The following GREB1L variants were observed in gnomAD, a reference collection of about 807,000 sequenced individuals.
The protein encoded by GREB1L is GREB1 like retinoic acid receptor coactivator.
Under a neutral mutation model 200.8 loss-of-function variants are expected in GREB1L, and 17 were observed. That is an observed-to-expected ratio of 0.08 (90% CI 0.06 to 0.13). The LOEUF is 0.13. GREB1L is among the 10% of genes least tolerant of loss of function. The probability of loss-of-function intolerance (pLI) is 1.00; values close to 1 mark genes in which losing one functional copy is unlikely to be tolerated. For missense variants in GREB1L, 1,657 were observed against 2,367.7 expected (o/e 0.70, Z 6.23); for synonymous variants, 789 against 893.0 (o/e 0.88, Z 2.08).
chr18:21,508,601 C>A lies in GREB1L; in HGVS notation c.4735+10C>A. On this transcript the variant is annotated intron_variant, in intron 27 of 32. Coordinates refer to ENST00000424526, the MANE Select transcript of GREB1L (RefSeq NM_001142966.3). Reference sequence around the variant, plus strand: ...AATAATGCAGGCGTGGGTAAGGGGCCCCCCTGGGATGGGGAGAAGGGCTTC... The same window carrying A: ...AATAATGCAGGCGTGGGTAAGGGGCACCCCTGGGATGGGGAGAAGGGCTTC... 6.4e-7 allele frequency: 1 copy of A among 1,551,104 alleles called. No individual in the cohort carries two copies. Among genetic ancestry groups the A allele is most frequent in the Non-Finnish European group, 8.7e-7 (1 of 1,146,802 alleles).
intron 1 of GREB1L, among the ~76,000 whole-genome samples, chr18:21,307,201 G>T (rs1209892098): frequency 1.3e-5 from 2 of 152,214 alleles, no homozygotes; most frequent in East Asian, 3.9e-4. Context: ...CCAATGGCAA[G>T]TACCCAAATC....
At chr18:21,298,941 G>C (rs181373635) in intron 1 of GREB1L, among the ~76,000 whole-genome samples, 3 of 151,992 alleles carry the variant, frequency 2.0e-5, no homozygotes, top group Admixed American at 6.6e-5. Context: ...TCTCTGGGGA[G>C]GGGGTTGAGG....
intron 2 of GREB1L, among the ~76,000 whole-genome samples, chr18:21,371,106 A>T (rs961335830): frequency 6.6e-6 from 1 of 152,140 alleles, no homozygotes; most frequent in Admixed American, 6.5e-5. Context: ...ATTAATTACA[A>T]TTAAATAAAA....
chr18:21,371,420 A>T (rs1256693990), intron 2 of GREB1L, among the ~76,000 whole-genome samples: 1 of 152,046 alleles, frequency 6.6e-6, no homozygotes, highest in East Asian at 1.9e-4. Flanking sequence ...AAAGGAAAGA[A>T]TGCATCTTAC....
chr18:21,412,039 G>A (rs1240044977), intron 7 of GREB1L, among the ~76,000 whole-genome samples: 2 of 123,858 alleles, frequency 1.6e-5, no homozygotes, highest in African/African-American at 6.5e-5. Flanking sequence ...GCGACAGAGC[G>A]AGACTCCGTC....
chr18:21,309,339 T>TA (rs1288116358), intron 1 of GREB1L, among the ~76,000 whole-genome samples: 3 of 152,180 alleles, frequency 2.0e-5, no homozygotes, highest in African/African-American at 4.8e-5. Context: ...TCAGGCATGT[T>TA]AAAAAAGATC....
chr18:21,517,562 G>A (rs1324009519), intron 30 of GREB1L, among the ~76,000 whole-genome samples: 1 of 152,166 alleles, frequency 6.6e-6, no homozygotes, highest in Admixed American at 6.5e-5. Context: ...TCCTTTGCTA[G>A]AAGTTTCTTA....
intron 4 of GREB1L, among the ~76,000 whole-genome samples, chr18:21,392,644 T>A (rs2144296306): frequency 6.6e-6 from 1 of 152,262 alleles, no homozygotes; most frequent in South Asian, 2.1e-4. Flanking sequence ...ATAATTTTAT[T>A]CTTTCTTCTG....
At chr18:21,456,937 A>T (rs2034792646) in intron 15 of GREB1L, among the ~76,000 whole-genome samples, 1 of 152,078 alleles carries the variant, frequency 6.6e-6, no homozygotes, top group Non-Finnish European at 1.5e-5. Flanking sequence ...CTTGTCTTTT[A>T]AGTATTTTAC....
At chr18:21,327,441 C>CA (rs143590746) in intron 1 of GREB1L, among the ~76,000 whole-genome samples, 98 of 152,184 alleles carry the variant, frequency 6.4e-4, no homozygotes, top group African/African-American at 2.3e-3. Flanking sequence ...CTCTCCTTGC[C>CA]AGTCCCTCCT....
In GREB1L at chr18:21,401,307, A is replaced by C. The variant is rs1407163660; in HGVS notation, c.690A>C (p.Gly230=). The part of the protein sequence containing the change: ...VRSSQGVLSK[G]PLICWKECRS... ...GCTCCCAGGGTGTACTGTCTAAAGG[A>C]CCTCTTATCTGCTGGAAAGGTAGTC... Residue 230 remains glycine (G), a synonymous_variant, in exon 6 of 33, where the codon GGA becomes GGC. Transcript: ENST00000424526. 1.9e-6 allele frequency: 3 copies of C among 1,548,432 alleles called. No individual in the cohort carries two copies. The highest frequency in any genetic ancestry group is 2.0e-5 in the Admixed American group (1 of 50,210).
intron 2 of GREB1L, among the ~76,000 whole-genome samples, chr18:21,370,910 T>C (rs1456435430): frequency 6.6e-6 from 1 of 151,496 alleles, no homozygotes; most frequent in East Asian, 1.9e-4. Flanking sequence ...AAATCCCGTC[T>C]CTACAAAAAA....
intron 1 of GREB1L, among the ~76,000 whole-genome samples, chr18:21,278,017 G>T (rs771078009): frequency 2.0e-5 from 3 of 152,128 alleles, no homozygotes; most frequent in Non-Finnish European, 4.4e-5. Flanking sequence ...GTCGAAATGG[G>T]TATAGCCATG....
intron 1 of GREB1L, among the ~76,000 whole-genome samples, chr18:21,279,002 A>G (rs1348407003): frequency 6.6e-6 from 1 of 152,168 alleles, no homozygotes; most frequent in Admixed American, 6.6e-5. Flanking sequence ...TTTTCCTGAC[A>G]AATACCTTAT....
chr18:21,484,848 T>G (rs1365213402), intron 17 of GREB1L, among the ~76,000 whole-genome samples: 1 of 151,874 alleles, frequency 6.6e-6, no homozygotes, highest in Non-Finnish European at 1.5e-5. Flanking sequence ...ATAACAAAAG[T>G]GAGACCAAAT....
At chr18:21,252,291 C>T (rs1468588467) in intron 1 of GREB1L, among the ~76,000 whole-genome samples, 2 of 152,294 alleles carry the variant, frequency 1.3e-5, no homozygotes, top group Middle Eastern at 3.4e-3. Context: ...GGTGCAGTGG[C>T]TTATGCCTGT....
At chr18:21,242,977 G>A (rs998571300) in intron 1 of GREB1L, among the ~76,000 whole-genome samples, 31 of 152,234 alleles carry the variant, frequency 2.0e-4, no homozygotes, top group Non-Finnish European at 3.8e-4. Flanking sequence ...GGCGTCTGTG[G>A]GTTTTTTTCC....
intron 1 of GREB1L, among the ~76,000 whole-genome samples, chr18:21,264,634 G>A (rs2037938480): frequency 6.6e-6 from 1 of 151,988 alleles, no homozygotes; most frequent in African/African-American, 2.4e-5. Flanking sequence ...GGACTAGTTC[G>A]AGGTAGAGGG....
intron 7 of GREB1L, among the ~76,000 whole-genome samples, chr18:21,412,671 A>G (rs1004293175): frequency 6.6e-6 from 1 of 152,210 alleles, no homozygotes; most frequent in Non-Finnish European, 1.5e-5. Flanking sequence ...GGAAGAGCAC[A>G]CAGGAGGCTA....
Sources: allele counts gnomAD v4.1 joint callset (sites outside exome capture counted in the v4.1 genomes callset), GRCh38; gene constraint gnomAD v4.1.1; transcripts MANE v1.5; gene names NCBI Gene and HGNC (gene_info 2026-07-23, HGNC 2026-07-21).